RXFP2: variants seen among roughly 807,000 people sequenced by gnomAD.
The protein encoded by RXFP2 is relaxin family peptide receptor 2.
RXFP2 carries 68 observed loss-of-function variants against 88.6 expected under a neutral mutation model. The ratio of observed to expected loss-of-function variants is 0.77; its 90% confidence interval spans 0.63 to 0.94. The LOEUF (loss-of-function observed/expected upper bound fraction) is 0.94, where lower values mean the gene tolerates loss of function less well. RXFP2 is among the 40% of genes least tolerant of loss of function. The probability of loss-of-function intolerance (pLI) is 0.00; values close to 1 mark genes in which losing one functional copy is unlikely to be tolerated. For synonymous variants in RXFP2, 329 were observed against 306.8 expected (o/e 1.07, Z -0.76); for missense variants, 791 against 893.9 (o/e 0.88, Z 1.47).
At chr13:31,757,410 A>G (rs957347824) in intron 1 of RXFP2, among the ~76,000 whole-genome samples, 1 of 152,218 alleles carries the variant, frequency 6.6e-6, no homozygotes, top group African/African-American at 2.4e-5. Context: ...ATTAACAATG[A>G]TAACCACTGT....
rs914054575 is a variant in RXFP2 at position 31,792,677 on chromosome 13, G to C, written c.1376-1G>C. The stretch of plus-strand genomic sequence containing the variant: ...CATACACTGTTTCAATTCTTCCACA[G>C]GTGCTGATTGCCTGATGGGTGTTTA... On this transcript the variant is annotated splice_acceptor_variant, in intron 15 of 17. Coordinates refer to ENST00000298386, the MANE Select transcript of RXFP2 (RefSeq NM_130806.5). LOFTEE classifies it high-confidence loss of function. 6.2e-7 allele frequency: 1 copy of C among 1,613,864 alleles called. No homozygotes were observed. The highest frequency in any genetic ancestry group is 8.5e-7 in the Non-Finnish European group (1 of 1,179,922).
chr13:31,785,269 T>C (rs1873479113), intron 11 of RXFP2, among the ~76,000 whole-genome samples: 1 of 152,058 alleles, frequency 6.6e-6, no homozygotes, highest in South Asian at 2.1e-4. Context: ...GGCTTTCCCA[T>C]TTTGTCTCCA....
rs767173535 is a variant in RXFP2 at position 31,782,662 on chromosome 13, G to A, written c.858-14G>A. ...GACGCAAACCCACATGCTGATTCTC[G>A]CCATGTCTTACAGGTTTCTGCCTAG... On this transcript the variant is annotated splice_polypyrimidine_tract_variant and intron_variant, in intron 10 of 17. Transcript: ENST00000298386. 26 of 1,598,688 alleles carry A rather than the reference G, an allele frequency of 1.6e-5. No individual in the cohort carries two copies. Among genetic ancestry groups the A allele is most frequent in the East Asian group, 8.9e-5 (4 of 44,804 alleles).
chr13:31,739,592 T>A lies in RXFP2; in HGVS notation c.-21T>A, dbSNP rs1383925573. 1 of 1,487,646 alleles carries A rather than the reference T, an allele frequency of 6.7e-7. No homozygotes were observed. The highest frequency in any genetic ancestry group is 9.4e-7 in the Non-Finnish European group (1 of 1,065,078). 92.2% of individuals were successfully genotyped at this position (1,487,646 alleles called of 1,614,324 possible). On this transcript the variant is annotated 5_prime_UTR_variant, in exon 1 of 18. Transcript: ENST00000298386. ...CTGAGGTATAAGAGGATACGTCTAATAACTCAATTGCTGTAAACCTATGAT... is the reference window on the plus strand; with the variant it reads ...CTGAGGTATAAGAGGATACGTCTAAAAACTCAATTGCTGTAAACCTATGAT...
rs529600372 is a variant in RXFP2, at chr13:31,755,267, A to G, written c.95-2991A>G. Among the ~76,000 whole-genome samples, 74 of 152,348 alleles carry G rather than the reference A, an allele frequency of 4.9e-4. 1 individual carries two copies. Among genetic ancestry groups the G allele is most frequent in the African/African-American group, 1.7e-3 (70 of 41,574 alleles). On this transcript the variant is annotated intron_variant, in intron 1 of 17. Transcript: ENST00000298386. ...CATTAGGGGATCATGAAATCAACTTAGAGGCATGTGATCCCTTCTCAACTG... is the reference window on the plus strand; with the variant it reads ...CATTAGGGGATCATGAAATCAACTTGGAGGCATGTGATCCCTTCTCAACTG...
At chr13:31,787,536 C>T (rs1414495789) in intron 13 of RXFP2, among the ~76,000 whole-genome samples, 1 of 152,210 alleles carries the variant, frequency 6.6e-6, no homozygotes, top group Non-Finnish European at 1.5e-5. Context: ...AGCCAAAATA[C>T]CAAGTCACTA....
At position 31,782,669 on chromosome 13, in the gene RXFP2, C is replaced by T. The variant is rs760216190; in HGVS notation, c.858-7C>T. 7 of 1,607,876 alleles carry T rather than the reference C, an allele frequency of 4.4e-6. No homozygotes were observed. Among genetic ancestry groups the T allele is most frequent in the Non-Finnish European group, 6.0e-6 (7 of 1,174,342 alleles). Reference sequence around the variant, plus strand: ...ACCCACATGCTGATTCTCGCCATGTCTTACAGGTTTCTGCCTAGAAATCAA... The same window carrying T: ...ACCCACATGCTGATTCTCGCCATGTTTTACAGGTTTCTGCCTAGAAATCAA... On this transcript the variant is annotated splice_polypyrimidine_tract_variant and splice_region_variant and intron_variant, in intron 10 of 17. Coordinates refer to ENST00000298386, the MANE Select transcript of RXFP2 (RefSeq NM_130806.5).
intron 2 of RXFP2, 134 bp downstream of exon 2, chr13:31,758,538 A>C: frequency 2.0e-6 from 2 of 1,018,482 alleles, no homozygotes; most frequent in South Asian, 3.1e-5. Flanking sequence ...TTGAAACACA[A>C]ATAATGACTC....
At chr13:31,787,700 C>T (rs961811716) in intron 13 of RXFP2, among the ~76,000 whole-genome samples, 2 of 152,150 alleles carry the variant, frequency 1.3e-5, no homozygotes, top group Non-Finnish European at 2.9e-5. Context: ...AGTGCAATGG[C>T]ACAAGCTTGG....
At chr13:31,783,663 A>G (rs952902936) in intron 11 of RXFP2, among the ~76,000 whole-genome samples, 3 of 152,234 alleles carry the variant, frequency 2.0e-5, no homozygotes, top group Admixed American at 6.5e-5. Context: ...ATCATTTTAT[A>G]GGCAAAAACT....
chr13:31,776,225 C>CCTTCCTTT (rs1484011531), intron 7 of RXFP2, among the ~76,000 whole-genome samples: 9 of 139,934 alleles, frequency 6.4e-5, no homozygotes, highest in Non-Finnish European at 1.2e-4. Flanking sequence ...TGCTTGCTTG[C>CCTTCCTTT]CTTCCTTTTT....
chr13:31,770,822 G>A (rs1435444240), intron 5 of RXFP2, among the ~76,000 whole-genome samples: 1 of 152,084 alleles, frequency 6.6e-6, no homozygotes, highest in Non-Finnish European at 1.5e-5. Flanking sequence ...AGTCCTCCTG[G>A]TTCTCTCTTA....
intron 2 of RXFP2, among the ~76,000 whole-genome samples, chr13:31,761,428 G>A (rs1296429220): frequency 2.0e-5 from 3 of 151,942 alleles, no homozygotes; most frequent in Non-Finnish European, 1.5e-5. Flanking sequence ...AGTCAAACAT[G>A]GACAATGTCT....
Position 31,746,957 on chromosome 13 carries a change from G to T in RXFP2, c.94+7251G>T, listed in dbSNP as rs141254169. On this transcript the variant is annotated intron_variant, in intron 1 of 17. Coordinates refer to ENST00000298386, the MANE Select transcript of RXFP2 (RefSeq NM_130806.5). The stretch of plus-strand genomic sequence containing the variant: ...AGTTATGTAAACTTTCTTATACATA[G>T]GAAAAGGATAATAATCTACACTGAG... Among the ~76,000 whole-genome samples, 390 of 152,014 alleles carry T rather than the reference G, an allele frequency of 2.6e-3. 2 individuals are homozygous for T. The highest frequency in any genetic ancestry group is 9.0e-3 in the African/African-American group (374 of 41,440).
chr13:31,794,054 T>C (rs1352583446), intron 16 of RXFP2, among the ~76,000 whole-genome samples: 1 of 152,172 alleles, frequency 6.6e-6, no homozygotes, highest in Non-Finnish European at 1.5e-5. Context: ...CTCAGAGACC[T>C]TCAGTGGCTC....
At chr13:31,753,515 C>A (rs2138395363) in intron 1 of RXFP2, among the ~76,000 whole-genome samples, 1 of 152,248 alleles carries the variant, frequency 6.6e-6, no homozygotes, top group Non-Finnish European at 1.5e-5. Context: ...ACCATGCGGG[C>A]ATCCTCCATT....
chr13:31,791,035 C>A (rs1873767580), intron 14 of RXFP2, among the ~76,000 whole-genome samples: 1 of 152,026 alleles, frequency 6.6e-6, no homozygotes, highest in Non-Finnish European at 1.5e-5. Flanking sequence ...AAACTGACAG[C>A]AAAGAGCAGA....
chr13:31,757,243 C>T (rs1032053284), intron 1 of RXFP2, among the ~76,000 whole-genome samples: 11 of 152,292 alleles, frequency 7.2e-5, no homozygotes, highest in African/African-American at 1.9e-4. Flanking sequence ...TTGATAGTCT[C>T]ATAGTGCAAT....
At chr13:31,789,021 A>G in intron 13 of RXFP2, 101 bp from the exon 14 acceptor site, 12 of 791,026 alleles carry the variant, frequency 1.5e-5, no homozygotes, top group Non-Finnish European at 2.6e-5. Context: ...CTGCATTGGT[A>G]ACATAAGATC....
Sources: gnomAD v4.1 joint callset for allele counts (sites outside exome capture counted in the v4.1 genomes callset) on GRCh38, gnomAD v4.1.1 for gene constraint, MANE v1.5 for transcripts, NCBI Gene and HGNC (gene_info 2026-07-23, HGNC 2026-07-21) for gene names.